Variants in CC2D2B observed in about 807,000 individuals in gnomAD.
The protein encoded by CC2D2B is protein CC2D2B.
In CC2D2B, 128 loss-of-function variants were observed where a neutral mutation model predicts 161.2. The observed-to-expected ratio is 0.79, with a 90% CI of 0.69 to 0.92. The LOEUF is 0.92. Ranked by LOEUF, CC2D2B falls within the 40% of genes least tolerant of loss-of-function variation. CC2D2B has a pLI of 0.00. For missense variants in CC2D2B, 1,173 were observed against 1,375.1 expected, an observed-to-expected ratio of 0.85 and a Z score of 2.32; for synonymous variants, 391 against 449.8, an observed-to-expected ratio of 0.87 and a Z score of 1.65.
intron 6 of CC2D2B, among the ~76,000 whole-genome samples, chr10:95,934,307 T>C (rs2141245204): frequency 6.6e-6 from 1 of 152,276 alleles, no homozygotes; most frequent in Admixed American, 6.5e-5. Context: ...TGATCTTAGC[T>C]TGCGGGGCTC....
Position 96,012,561 on chromosome 10 carries a change from A to G in CC2D2B, c.3258A>G (p.Arg1086=), listed in dbSNP as rs1721677359. 1 of 1,612,574 alleles carries G rather than the reference A, an allele frequency of 6.2e-7. No individual in the cohort carries two copies. The highest frequency in any genetic ancestry group is 1.1e-5 in the South Asian group (1 of 91,056). Residue 1086 remains arginine, a synonymous_variant, in exon 28 of 35, where the codon AGA becomes AGG. Coordinates refer to ENST00000646931, the MANE Select transcript of CC2D2B (RefSeq NM_001349008.3). ...TAGATCAAACAGAGGTCTTGCAGAG[A>G]GCACAGATTTTTAAAAAGAATTGTA... ...KFLDQTEVLQ[R]AQIFKKNCKA...
chr10:95,967,996 A>G (rs929058503), intron 14 of CC2D2B, among the ~76,000 whole-genome samples: 35 of 152,214 alleles, frequency 2.3e-4, no homozygotes, highest in African/African-American at 8.4e-4. Flanking sequence ...TCTTGCCACT[A>G]GGAAAATATT....
chr10:95,966,247 T>C lies in CC2D2B; in HGVS notation c.1411T>C (p.Leu471=), dbSNP rs41306856. 24,752 of 1,228,184 alleles carry C rather than the reference T, an allele frequency of 0.02. 298 individuals are homozygous for C. The highest frequency in any genetic ancestry group is 0.028 in the Middle Eastern group (89 of 3,190). 76.1% of individuals were successfully genotyped at this position (1,228,184 alleles called of 1,614,324 possible). Residue 471 remains leucine, a synonymous_variant, in exon 14 of 35, where the codon TTG becomes CTG. Coordinates refer to ENST00000646931, the MANE Select transcript of CC2D2B (RefSeq NM_001349008.3). Reference sequence around the variant, plus strand: ...AATTGAAAGAATAAAGCCAATTACCTTGAGGCCACAACTTTCTTTCACTGC... The same window carrying C: ...AATTGAAAGAATAAAGCCAATTACCCTGAGGCCACAACTTTCTTTCACTGC... The part of the protein sequence containing the change: ...TEIERIKPIT[L]RPQLSFTAEL...
intron 2 of CC2D2B, among the ~76,000 whole-genome samples, chr10:95,912,556 G>GTA (rs1323203186): frequency 6.6e-6 from 1 of 152,162 alleles, no homozygotes; most frequent in Non-Finnish European, 1.5e-5. Context: ...GGCCACAGAG[G>GTA]TAGAAGGGTA....
At chr10:96,025,174 T>TAAAAAAAAAAAAAA (rs1564683948) in intron 33 of CC2D2B, among the ~76,000 whole-genome samples, 1 of 15,100 alleles carries the variant, frequency 6.6e-5, no homozygotes, top group African/African-American at 2.7e-4. Context: ...TATATATATA[T>TAAAAAAAAAAAAAA]ATATATATAT....
At chr10:96,014,812 T>G (rs2079122238) in intron 29 of CC2D2B, among the ~76,000 whole-genome samples, 1 of 152,206 alleles carries the variant, frequency 6.6e-6, no homozygotes, top group South Asian at 2.1e-4. Context: ...ATTGTTATTC[T>G]GCCCTTAGCT....
chr10:95,932,852 T>C (rs1429011089), intron 6 of CC2D2B, among the ~76,000 whole-genome samples: 2 of 152,200 alleles, frequency 1.3e-5, no homozygotes, highest in East Asian at 3.8e-4. Flanking sequence ...CTGGCGATTA[T>C]GTTTCTTGGG....
rs1313666428 is a variant in CC2D2B at position 95,933,403 on chromosome 10, T to C, written c.337-4588T>C. On this transcript the variant is annotated intron_variant, in intron 6 of 34. Coordinates refer to ENST00000646931, the MANE Select transcript of CC2D2B (RefSeq NM_001349008.3). ...TTCTGTCAATTCATCAAACTTATTC[T>C]CTGTCCAGTTTTGTTCCCTTGCTGG... 2.0e-5 allele frequency among the ~76,000 whole-genome samples: 3 copies of C among 152,170 alleles called. No homozygotes were observed. In the East Asian group the frequency reaches 5.8e-4, roughly 29 times the overall value.
chr10:95,929,082 G>T (rs1320263508), intron 6 of CC2D2B, among the ~76,000 whole-genome samples: 1 of 152,064 alleles, frequency 6.6e-6, no homozygotes, highest in Non-Finnish European at 1.5e-5. Context: ...ACTTTTTAAT[G>T]ATCGCCATTC....
rs181686981 is a variant in CC2D2B at position 95,962,014 on chromosome 10, T to G, written c.1250+45T>G. ...GCTCTTATTGGTCTCCTGAGGAACT[T>G]CTCATGAATAACTGGAAATTCACAG... is the stretch of plus-strand genomic sequence containing the variant. On this transcript the variant is annotated intron_variant, in intron 12 of 34. Coordinates refer to ENST00000646931, the MANE Select transcript of CC2D2B (RefSeq NM_001349008.3). The G allele has an allele frequency of 3.7e-5, 45 of 1,218,256 alleles. 2 individuals are homozygous for G. The African/African-American group carries it at 4.5e-4, about 12-fold the overall frequency. 75.5% of individuals were successfully genotyped at this position (1,218,256 alleles called of 1,614,324 possible).
At chr10:95,976,993 G>A (rs985041535) in intron 17 of CC2D2B, among the ~76,000 whole-genome samples, 8 of 152,168 alleles carry the variant, frequency 5.3e-5, no homozygotes, top group East Asian at 1.9e-4. Context: ...CAGGTGATCC[G>A]CCTGGCTCCA....
chr10:95,992,713 C>A lies in CC2D2B; in HGVS notation c.2642+16C>A, dbSNP rs532774592. The A allele has an allele frequency of 8.1e-7, 1 of 1,230,712 alleles. No individual in the cohort carries two copies. Among genetic ancestry groups the A allele is most frequent in the African/African-American group, 1.6e-5 (1 of 64,484 alleles). 76.2% of individuals were successfully genotyped at this position (1,230,712 alleles called of 1,614,324 possible). ...CAATTAATGGGTAAGGCAATATGCC[C>A]CAATTTTTAGAGTTGCAAAAGGTCT... On this transcript the variant is annotated intron_variant, in intron 22 of 34. Coordinates refer to ENST00000646931, the MANE Select transcript of CC2D2B (RefSeq NM_001349008.3).
intron 30 of CC2D2B, among the ~76,000 whole-genome samples, chr10:96,017,252 A>T (rs1299384733): frequency 1.3e-5 from 2 of 152,182 alleles, no homozygotes; most frequent in Non-Finnish European, 2.9e-5. Context: ...CAGTATTTAC[A>T]GTCTTGCCTT....
intron 33 of CC2D2B, among the ~76,000 whole-genome samples, chr10:96,025,160 T>TATATATATATAAAAAAA (rs2079651560): frequency 1.6e-4 from 1 of 6,198 alleles, no homozygotes; most frequent in African/African-American, 7.1e-4. Context: ...AAAAAATATA[T>TATATATATATAAAAAAA]ATATATATAT....
At chr10:95,916,758 G>A (rs929067869) in intron 2 of CC2D2B, among the ~76,000 whole-genome samples, 3 of 152,130 alleles carry the variant, frequency 2.0e-5, no homozygotes, top group Non-Finnish European at 2.9e-5. Flanking sequence ...GAAGATACTT[G>A]ATATGATTTC....
intron 18 of CC2D2B, 42 bp from the exon 19 acceptor site, chr10:95,983,564 A>T (rs559217967): frequency 7.2e-5 from 71 of 985,898 alleles, no homozygotes; most frequent in Middle Eastern, 7.2e-4. Flanking sequence ...TTCCTGAATT[A>T]AAAAAAATTA....
chr10:95,909,898 A>G (rs908828298), intron 1 of CC2D2B, among the ~76,000 whole-genome samples: 5 of 152,182 alleles, frequency 3.3e-5, no homozygotes, highest in Non-Finnish European at 7.3e-5. Flanking sequence ...TATAATTCCA[A>G]TGCTTTGAGA....
intron 32 of CC2D2B, among the ~76,000 whole-genome samples, chr10:96,023,272 G>C (rs1378830070): frequency 6.6e-6 from 1 of 152,224 alleles, no homozygotes; most frequent in East Asian, 1.9e-4. Context: ...TGGGCTCATG[G>C]CCCTCCATCT....
chr10:95,917,614 C>T (rs1202146232), intron 2 of CC2D2B, among the ~76,000 whole-genome samples: 1 of 152,068 alleles, frequency 6.6e-6, no homozygotes, highest in Admixed American at 6.6e-5. Flanking sequence ...TCTTACAACC[C>T]ATTATTTCAA....
Sources: allele counts gnomAD v4.1 joint callset (sites outside exome capture counted in the v4.1 genomes callset), GRCh38; gene constraint gnomAD v4.1.1; transcripts MANE v1.5; gene names NCBI Gene and HGNC (gene_info 2026-07-23, HGNC 2026-07-21).